RFX8: variants seen among roughly 807,000 people sequenced by gnomAD.
The protein encoded by RFX8 is DNA-binding protein RFX8.
A neutral mutation model predicts 54.6 loss-of-function variants in RFX8; 46 were observed. The ratio of observed to expected loss-of-function variants is 0.84; its 90% CI spans 0.67 to 1.08. The LOEUF is 1.08. Among genes scored for constraint, RFX8 ranks in the 50% least tolerant of loss-of-function variants. RFX8 has a pLI of 0.00. For missense variants in RFX8, 536 were observed against 562.3 expected (o/e 0.95, Z 0.47); for synonymous variants, 192 against 209.5 (o/e 0.92, Z 0.72).
intron 2 of RFX8, among the ~76,000 whole-genome samples, chr2:101,461,262 C>CAAAAAAAAAAAAAAAAA (rs11350961): frequency 3.3e-5 from 3 of 89,906 alleles, no homozygotes; most frequent in South Asian, 3.9e-4. Context: ...GACTCCATCT[C>CAAAAAAAAAAAAAAAAA]AAAAAAAAAA....
chr2:101,471,445 T>C (rs1363610313), intron 1 of RFX8, among the ~76,000 whole-genome samples: 2 of 152,228 alleles, frequency 1.3e-5, no homozygotes, highest in East Asian at 3.8e-4. Context: ...ATTCTGCACC[T>C]TTCCAAATAA....
intron 2 of RFX8, among the ~76,000 whole-genome samples, chr2:101,429,855 G>A (rs1400938501): frequency 6.6e-6 from 1 of 152,180 alleles, no homozygotes. Flanking sequence ...GGAGGACCTG[G>A]GAGGAGGTGG....
intron 2 of RFX8, among the ~76,000 whole-genome samples, chr2:101,465,302 C>T (rs1010463215): frequency 9.9e-5 from 15 of 152,056 alleles, no homozygotes; most frequent in Admixed American, 2.6e-4. Flanking sequence ...GTCGGGAGAT[C>T]GAGACCATCC....
At chr2:101,469,934 C>T (rs1332168639) in intron 1 of RFX8, among the ~76,000 whole-genome samples, 2 of 152,106 alleles carry the variant, frequency 1.3e-5, no homozygotes, top group Non-Finnish European at 2.9e-5. Context: ...CTGGCAGTTC[C>T]AAGAGATTCA....
intron 2 of RFX8, among the ~76,000 whole-genome samples, chr2:101,451,282 T>G (rs947489633): frequency 4.6e-5 from 7 of 152,200 alleles, no homozygotes; most frequent in Admixed American, 2.0e-4. Context: ...TTCAATGTCT[T>G]CTCGCTGATT....
chr2:101,474,495 C>T (rs1690202110), intron 1 of RFX8, 141 bp downstream of exon 1: 2 of 341,324 alleles, frequency 5.9e-6, no homozygotes, highest in Admixed American at 4.8e-5. Context: ...CTCCCCAACC[C>T]CCGCGCCCCG....
At chr2:101,463,606 C>T (rs1573484794) in intron 2 of RFX8, among the ~76,000 whole-genome samples, 2 of 152,216 alleles carry the variant, frequency 1.3e-5, no homozygotes, top group Non-Finnish European at 2.9e-5. Flanking sequence ...GCAGGCAGCA[C>T]GTGACCACTG....
intron 1 of RFX8, among the ~76,000 whole-genome samples, chr2:101,468,882 G>A (rs1487099694): frequency 6.7e-6 from 1 of 149,476 alleles, no homozygotes; most frequent in East Asian, 2.0e-4. Context: ...TCAATTATTT[G>A]GCTCAAGGCT....
chr2:101,431,045 G>A (rs1448153156), intron 2 of RFX8, among the ~76,000 whole-genome samples: 1 of 152,100 alleles, frequency 6.6e-6, no homozygotes, highest in Non-Finnish European at 1.5e-5. Context: ...CTCCTAATAT[G>A]TTTTCTTTGG....
intron 2 of RFX8, among the ~76,000 whole-genome samples, chr2:101,449,491 G>C (rs1417749700): frequency 1.3e-5 from 2 of 152,162 alleles, no homozygotes; most frequent in Non-Finnish European, 2.9e-5. Flanking sequence ...AAGGCTTTGT[G>C]ACCCACGGGG....
chr2:101,403,508 T>G (rs569969585), intron 10 of RFX8, among the ~76,000 whole-genome samples: 1 of 152,332 alleles, frequency 6.6e-6, no homozygotes, highest in Admixed American at 6.5e-5. Flanking sequence ...CACATCAGGC[T>G]GGGCACAGCG....
At chr2:101,416,582 G>A (rs1287058256) in intron 6 of RFX8, among the ~76,000 whole-genome samples, 1 of 152,214 alleles carries the variant, frequency 6.6e-6, no homozygotes, top group Non-Finnish European at 1.5e-5. Flanking sequence ...TGCCAGCTTG[G>A]TGACAAAATG....
At chr2:101,466,474 G>A (rs1415207363) in intron 2 of RFX8, among the ~76,000 whole-genome samples, 1 of 152,178 alleles carries the variant, frequency 6.6e-6, no homozygotes, top group Non-Finnish European at 1.5e-5. Flanking sequence ...TTCTATGCAG[G>A]GAATACCATG....
chr2:101,450,677 A>G, intron 2 of RFX8: 1 of 1,467,340 alleles, frequency 6.8e-7, no homozygotes, highest in East Asian at 2.5e-5. Flanking sequence ...CATCATAATG[A>G]TACCTGGAAA....
At chr2:101,456,936 G>A (rs1416910120) in intron 2 of RFX8, among the ~76,000 whole-genome samples, 2 of 152,136 alleles carry the variant, frequency 1.3e-5, no homozygotes, top group Non-Finnish European at 2.9e-5. Flanking sequence ...AGTCTTGGGA[G>A]GGGGTATGTG....
intron 10 of RFX8, among the ~76,000 whole-genome samples, chr2:101,403,108 A>G (rs974849502): frequency 9.9e-5 from 15 of 152,206 alleles, no homozygotes; most frequent in African/African-American, 3.6e-4. Flanking sequence ...TATGATCCAC[A>G]GGAATGTCCA....
At chr2:101,464,812 C>A (rs1332697449) in intron 2 of RFX8, among the ~76,000 whole-genome samples, 6 of 151,938 alleles carry the variant, frequency 3.9e-5, no homozygotes, top group Non-Finnish European at 8.8e-5. Flanking sequence ...GAAGGTGAAA[C>A]AGCCTTATAA....
chr2:101,440,051 C>A (rs190422731), intron 2 of RFX8, among the ~76,000 whole-genome samples: 2 of 151,874 alleles, frequency 1.3e-5, no homozygotes, highest in Admixed American at 6.6e-5. Flanking sequence ...TTTGCTTTTC[C>A]ATATAACTTT....
chr2:101,443,040 C>T (rs4851442), intron 2 of RFX8, among the ~76,000 whole-genome samples: 111,703 of 151,990 alleles, frequency 0.73, 42,473 homozygotes, highest in Middle Eastern at 0.88. Flanking sequence ...ATTAACCACC[C>T]CCAAAATTAT....
Sources: allele counts gnomAD v4.1 joint callset (sites outside exome capture counted in the v4.1 genomes callset), GRCh38; gene constraint gnomAD v4.1.1; transcripts MANE v1.5; gene names NCBI Gene and HGNC (gene_info 2026-07-23, HGNC 2026-07-21).